Variants in SLC35F5 observed in about 807,000 individuals in gnomAD.
SLC35F5 encodes HCV NS5A-transactivated protein 3.
SLC35F5 carries 54 observed loss-of-function variants against 68.6 expected under a neutral mutation model. The ratio of observed to expected loss-of-function variants is 0.79; its 90% confidence interval spans 0.63 to 0.99. The LOEUF is 0.99. SLC35F5 is among the 50% of genes least tolerant of loss of function. The probability of loss-of-function intolerance (pLI) is 0.00; values close to 1 mark genes in which losing one functional copy is unlikely to be tolerated. For synonymous variants in SLC35F5, 211 were observed against 205.2 expected (o/e 1.03, Z -0.24); for missense variants, 567 against 626.9 (o/e 0.90, Z 1.02).
At position 113,731,120 on chromosome 2, in the gene SLC35F5, GC is replaced by G. The variant is rs569403303; in HGVS notation, c.985+463del. ...TAACCAAAGAAAATGTCAGACAAAT[GC>G]AAATTGAGGAACATTCTACAAACCA... On this transcript the variant is annotated intron_variant, in intron 10 of 15. Transcript: ENST00000245680. 6.0e-3 allele frequency among the ~76,000 whole-genome samples: 910 copies of G among 152,142 alleles called. 4 individuals carry two copies. The highest frequency in any genetic ancestry group is 9.5e-3 in the Non-Finnish European group (646 of 67,980).
intron 11 of SLC35F5, 128 bp from the exon 12 acceptor site, chr2:113,725,665 G>T: frequency 3.7e-6 from 3 of 805,626 alleles, no homozygotes; most frequent in Non-Finnish European, 5.6e-6. Flanking sequence ...TAAAACTTCT[G>T]TTGGTTTGTT....
At chr2:113,749,149 C>T (rs1676636613) in intron 4 of SLC35F5, among the ~76,000 whole-genome samples, 1 of 152,204 alleles carries the variant, frequency 6.6e-6, no homozygotes, top group African/African-American at 2.4e-5. Context: ...CCTCGGCCTC[C>T]CAGCATGCTG....
chr2:113,723,245 A>C, intron 12 of SLC35F5, 51 bp from the exon 13 acceptor site: 1 of 1,324,704 alleles, frequency 7.5e-7, no homozygotes. Flanking sequence ...AAACCAAAGA[A>C]AAACACTGAA....
At chr2:113,704,758 C>T (rs1237572828), downstream of SLC35F5, among the ~76,000 whole-genome samples, 3 of 152,106 alleles carry the variant, frequency 2.0e-5, no homozygotes, top group Non-Finnish European at 4.4e-5. Flanking sequence ...AAGCACCGCG[C>T]GCAGCCCCTG....
chr2:113,750,009 G>T (rs1019414318), intron 4 of SLC35F5, among the ~76,000 whole-genome samples: 15 of 151,906 alleles, frequency 9.9e-5, no homozygotes, highest in Admixed American at 6.6e-5. Context: ...TCTAAAATAC[G>T]TCTGGAAATA....
In SLC35F5 at chr2:113,743,716, T is replaced by C; in HGVS notation, c.559A>G (p.Lys187Glu). 5 of 1,610,188 alleles carry C rather than the reference T, an allele frequency of 3.1e-6. No individual in the cohort carries two copies. The highest frequency in any genetic ancestry group is 3.4e-6 in the Non-Finnish European group (4 of 1,177,850). The change falls in exon 6 of 16, where the codon AAA (lysine) becomes GAA (glutamate). Residue 187 changes from lysine (K) to glutamate (E), a missense_variant. Lys to Glu is a moderately conservative substitution (Grantham distance 56). Coordinates refer to ENST00000245680, the MANE Select transcript of SLC35F5 (RefSeq NM_025181.5). ...KPESTNIDTE[K>E]TPKKSRVRFS... ...CCCATTTCCAAGTTTTGCTTACTTT[T>C]TTCAGTATCAATGTTTGTGCTCTCA...
At chr2:113,753,643 C>T (rs1185935020) in intron 3 of SLC35F5, among the ~76,000 whole-genome samples, 1 of 152,082 alleles carries the variant, frequency 6.6e-6, no homozygotes, top group Non-Finnish European at 1.5e-5. Flanking sequence ...AACTGACAAA[C>T]ACCAAATATA....
chr2:113,725,117 A>G (rs1226323441), intron 12 of SLC35F5, among the ~76,000 whole-genome samples: 2 of 152,198 alleles, frequency 1.3e-5, no homozygotes, highest in Admixed American at 1.3e-4. Context: ...AAACATTTTT[A>G]CAGATTTAGA....
downstream of SLC35F5, among the ~76,000 whole-genome samples, chr2:113,704,252 A>C (rs1042073455): frequency 6.6e-6 from 1 of 152,160 alleles, no homozygotes; most frequent in Admixed American, 6.5e-5. Context: ...TTTTACAGAG[A>C]GCGAGTGGTC....
rs1329755894 is a variant in SLC35F5 at position 113,709,909 on chromosome 2, T to TCAAGTGATCCTCCTGCCTC, written c.*5290_*5308dup. 6.6e-6 allele frequency among the ~76,000 whole-genome samples: 1 copy of TCAAGTGATCCTCCTGCCTC among 152,172 alleles called. No individual in the cohort carries two copies. The highest frequency in any genetic ancestry group is 2.4e-5 in the African/African-American group (1 of 41,434). On this transcript the variant is annotated 3_prime_UTR_variant, in exon 16 of 16. Coordinates refer to ENST00000245680, the MANE Select transcript of SLC35F5 (RefSeq NM_025181.5). The stretch of plus-strand genomic sequence containing the variant: ...TCACTGCAGCCTCGAACTCCTGGGT[T>TCAAGTGATCCTCCTGCCTC]CAAGTGATCCTCCTGCCTCAGACTC...
chr2:113,718,866 AAAGAAAG>A (rs1351121123), intron 14 of SLC35F5, among the ~76,000 whole-genome samples: 209 of 13,142 alleles, frequency 0.016, 1 homozygote, highest in African/African-American at 0.034. Flanking sequence ...AGAGAAAGAA[AAAGAAAG>A]AAAGAAAGAA....
In SLC35F5 at chr2:113,743,814, A is replaced by T; in HGVS notation, c.481-20T>A. On this transcript the variant is annotated intron_variant, in intron 5 of 15. Coordinates refer to ENST00000245680, the MANE Select transcript of SLC35F5 (RefSeq NM_025181.5). ...TTCACTCTGGAATGTAACAGAAAAA[A>T]ATATAAACAACAAATATAAAAGCTA... 1.3e-6 allele frequency: 2 copies of T among 1,563,808 alleles called. No homozygotes were observed. Among genetic ancestry groups the T allele is most frequent in the Non-Finnish European group, 8.7e-7 (1 of 1,147,198 alleles).
At chr2:113,739,304 AGTT>A (rs979133962) in intron 7 of SLC35F5, among the ~76,000 whole-genome samples, 2 of 151,218 alleles carry the variant, frequency 1.3e-5, no homozygotes, top group Non-Finnish European at 2.9e-5. Flanking sequence ...CAATGTAAAT[AGTT>A]GTTGTGCTAT....
chr2:113,735,699 G>T, intron 8 of SLC35F5, 78 bp downstream of exon 8: 1 of 883,640 alleles, frequency 1.1e-6, no homozygotes, highest in Non-Finnish European at 1.7e-6. Flanking sequence ...AGATAAAAAT[G>T]TTGTACATGT....
At position 113,706,972 on chromosome 2, in the gene SLC35F5, G is replaced by T. The variant is rs1204970610; in HGVS notation, c.*8246C>A. Among the ~76,000 whole-genome samples the T allele has an allele frequency of 6.6e-6, 1 of 152,106 alleles. No individual in the cohort carries two copies. The highest frequency in any genetic ancestry group is 1.5e-5 in the Non-Finnish European group (1 of 68,008). On this transcript the variant is annotated 3_prime_UTR_variant, in exon 16 of 16. Transcript: ENST00000245680. ...CAAGTTGCAAGACAAAACCAGGGTA[G>T]TTTTGGCCCTAAATCATAGCTAACA... is the stretch of plus-strand genomic sequence containing the variant.
intron 7 of SLC35F5, among the ~76,000 whole-genome samples, chr2:113,738,657 C>CAA (rs1688178994): frequency 7.0e-6 from 1 of 143,054 alleles, no homozygotes; most frequent in African/African-American, 2.6e-5. Context: ...TTACATTTTA[C>CAA]AGAAAAAAAA....
At position 113,729,454 on chromosome 2, in the gene SLC35F5, A is replaced by T; in HGVS notation, c.1037T>A (p.Met346Lys). 1 of 1,595,264 alleles carries T rather than the reference A, an allele frequency of 6.3e-7. No homozygotes were observed. Among genetic ancestry groups the T allele is most frequent in the Non-Finnish European group, 8.5e-7 (1 of 1,171,664 alleles). ...TTCTCTATCTACTTTTCTCTTAATC[A>T]TAACAATATAGACAGCATAGAGCAT... ...GAMLYAVYIV[M>K]IKRKVDREDK... is the part of the protein sequence containing the mutation. The change falls in exon 11 of 16, where the codon ATG becomes AAG. Residue 346 changes from methionine (M) to lysine (K), a missense_variant. Transcript: ENST00000245680.
At chr2:113,752,184 C>G (rs1204184624) in intron 3 of SLC35F5, among the ~76,000 whole-genome samples, 1 of 149,906 alleles carries the variant, frequency 6.7e-6, no homozygotes, top group Non-Finnish European at 1.5e-5. Flanking sequence ...TGCACTCCAG[C>G]CTGGGTGACA....
chr2:113,732,038 G>A (rs1353099041), intron 9 of SLC35F5, among the ~76,000 whole-genome samples: 4 of 152,172 alleles, frequency 2.6e-5, no homozygotes, highest in African/African-American at 9.7e-5. Flanking sequence ...TTTCAGTTAA[G>A]AATGAATTAA....
Sources: allele counts gnomAD v4.1 joint callset (sites outside exome capture counted in the v4.1 genomes callset), GRCh38; gene constraint gnomAD v4.1.1; transcripts MANE v1.5; gene names NCBI Gene and HGNC (gene_info 2026-07-23, HGNC 2026-07-21).